CDH11: variants seen among roughly 807,000 people sequenced by gnomAD.
CDH11 encodes cadherin-11.
In CDH11, 11 loss-of-function variants were observed where a neutral mutation model predicts 67.8. The observed-to-expected ratio is 0.16, with a 90% confidence interval of 0.10 to 0.27. The LOEUF (loss-of-function observed/expected upper bound fraction) is 0.27, where lower values mean the gene tolerates loss of function less well. CDH11 is among the 10% of genes least tolerant of loss of function. CDH11 has a pLI of 1.00. For missense variants in CDH11, 847 were observed against 1,031.2 expected (o/e 0.82, Z 2.45); for synonymous variants, 419 against 400.0 (o/e 1.05, Z -0.57).
At chr16:65,076,548 C>CT (rs1273838822) in intron 1 of CDH11, among the ~76,000 whole-genome samples, 3 of 151,996 alleles carry the variant, frequency 2.0e-5, no homozygotes, top group South Asian at 2.1e-4. Flanking sequence ...TTTTTCAATA[C>CT]TTTAAGTCCT....
rs186954934 is a variant in CDH11, at chr16:65,015,528, A to C, written c.-172-10487T>G. On this transcript the variant is annotated intron_variant, in intron 2 of 12. Coordinates refer to ENST00000268603, the MANE Select transcript of CDH11 (RefSeq NM_001797.4). ...GGCAGGGGAAGCATCAAGAGGAAAAAGATAATTTTTGTAGCATCTACCTTG... is the reference window on the plus strand; with the variant it reads ...GGCAGGGGAAGCATCAAGAGGAAAACGATAATTTTTGTAGCATCTACCTTG... Among the ~76,000 whole-genome samples, 506 of 152,216 alleles carry C rather than the reference A, an allele frequency of 3.3e-3. 2 individuals are homozygous for C. The highest frequency in any genetic ancestry group is 0.012 in the African/African-American group (491 of 41,542).
In CDH11 at chr16:64,946,323, T is replaced by C; in HGVS notation, c.*1280A>G. The C allele has an allele frequency of 9.6e-7, 1 of 1,043,362 alleles. No individual in the cohort carries two copies. The highest frequency in any genetic ancestry group is 1.2e-6 in the Non-Finnish European group (1 of 865,616). 64.6% of individuals were successfully genotyped at this position (1,043,362 alleles called of 1,614,324 possible). A position where few individuals can be genotyped will look rare whatever the true frequency, so the allele number is the denominator to read the frequency against. On this transcript the variant is annotated 3_prime_UTR_variant, in exon 13 of 13. Transcript: ENST00000268603. Reference sequence around the variant, plus strand: ...ACATTAGAGTCTGGGCAAATTTATATTTTTGACTCTAGTCCCCCAGTTCCC... The same window carrying C: ...ACATTAGAGTCTGGGCAAATTTATACTTTTGACTCTAGTCCCCCAGTTCCC...
At chr16:64,996,663 T>C (rs746876849) in intron 4 of CDH11, among the ~76,000 whole-genome samples, 1 of 152,066 alleles carries the variant, frequency 6.6e-6, no homozygotes, top group Non-Finnish European at 1.5e-5. Context: ...CAACAGTGGA[T>C]TGGATAAAGA....
intron 1 of CDH11, among the ~76,000 whole-genome samples, chr16:65,092,331 T>C (rs1183172252): frequency 6.6e-6 from 1 of 152,190 alleles, no homozygotes; most frequent in African/African-American, 2.4e-5. Flanking sequence ...AATTCTGGAC[T>C]CCCAGGCCAA....
intron 11 of CDH11, among the ~76,000 whole-genome samples, chr16:64,961,247 C>A (rs257498): frequency 0.26 from 39,544 of 151,986 alleles, 5,982 homozygotes; most frequent in Middle Eastern, 0.36. Context: ...GAAGAGGCTT[C>A]ATGGTTTACA....
At chr16:65,031,664 G>A (rs1052170793) in intron 2 of CDH11, among the ~76,000 whole-genome samples, 1 of 152,180 alleles carries the variant, frequency 6.6e-6, no homozygotes, top group Admixed American at 6.5e-5. Flanking sequence ...GCTCAAGAAA[G>A]AGGAAAGGGG....
intron 1 of CDH11, among the ~76,000 whole-genome samples, chr16:65,105,179 G>A (rs1251415317): frequency 1.3e-5 from 2 of 152,092 alleles, no homozygotes; most frequent in Admixed American, 1.3e-4. Context: ...TCTATATGAA[G>A]GCTGGGTTTT....
chr16:65,011,476 T>C (rs796241450), intron 2 of CDH11, among the ~76,000 whole-genome samples: 5 of 152,278 alleles, frequency 3.3e-5, no homozygotes, highest in African/African-American at 1.2e-4. Flanking sequence ...GGCCACAAAA[T>C]ATTACAGGAA....
chr16:64,992,991 G>A lies in CDH11; in HGVS notation c.567C>T (p.Pro189=). The stretch of plus-strand genomic sequence containing the variant: ...CTAACTTGGCGCTATTTCCATAAGT[G>A]GGGTCATCTGCATCTGAAGCTGTCA... The part of the protein sequence containing the change: ...IQVTASDADD[P]TYGNSAKLVY... The change falls in exon 5 of 13, where the codon CCC becomes CCT. Residue 189 remains proline (P), a synonymous_variant. Transcript: ENST00000268603. 6.2e-7 allele frequency: 1 copy of A among 1,610,906 alleles called. No homozygotes were observed. The highest frequency in any genetic ancestry group is 1.7e-5 in the Admixed American group (1 of 60,006).
chr16:65,090,711 T>C (rs1401743299), intron 1 of CDH11, among the ~76,000 whole-genome samples: 2 of 152,168 alleles, frequency 1.3e-5, no homozygotes, highest in African/African-American at 4.8e-5. Context: ...TAGTGAAAAA[T>C]GTAGATAGTA....
At chr16:65,082,293 A>G (rs2074623872) in intron 1 of CDH11, among the ~76,000 whole-genome samples, 1 of 152,210 alleles carries the variant, frequency 6.6e-6, no homozygotes, top group Admixed American at 6.5e-5. Context: ...GACAGATGAA[A>G]AGGCTGGGAT....
At chr16:65,008,088 T>G (rs2142538579) in intron 2 of CDH11, among the ~76,000 whole-genome samples, 1 of 152,378 alleles carries the variant, frequency 6.6e-6, no homozygotes, top group South Asian at 2.1e-4. Context: ...AAGAAAGGGT[T>G]TAATTAAAGT....
chr16:65,007,709 C>T (rs1271101034), intron 2 of CDH11, among the ~76,000 whole-genome samples: 1 of 152,170 alleles, frequency 6.6e-6, no homozygotes, highest in Admixed American at 6.5e-5. Flanking sequence ...AAATTTTCTT[C>T]AAGTGGCTTC....
At chr16:65,060,839 C>T (rs2074227496) in intron 1 of CDH11, among the ~76,000 whole-genome samples, 2 of 152,102 alleles carry the variant, frequency 1.3e-5, no homozygotes. Flanking sequence ...TAAATGGTTT[C>T]CCGTCAGGTC....
intron 9 of CDH11, 53 bp downstream of exon 9, chr16:64,972,851 T>C: frequency 3.8e-6 from 6 of 1,588,842 alleles, no homozygotes; most frequent in Non-Finnish European, 4.3e-6. Context: ...ATATAGAGTC[T>C]GAAGCGATAA....
upstream of CDH11, among the ~76,000 whole-genome samples, chr16:65,122,996 A>G (rs563129111): frequency 1.3e-5 from 2 of 152,280 alleles, no homozygotes; most frequent in East Asian, 3.9e-4. Context: ...GCAGCGCCGG[A>G]GTCCTAGCTC....
intron 1 of CDH11, among the ~76,000 whole-genome samples, chr16:65,099,469 A>G (rs1332882896): frequency 2.6e-5 from 4 of 152,146 alleles, no homozygotes; most frequent in Non-Finnish European, 5.9e-5. Context: ...CTGTAACTCA[A>G]GGAAGGTAGT....
chr16:65,046,515 C>T (rs748915589), intron 2 of CDH11, among the ~76,000 whole-genome samples: 4 of 152,162 alleles, frequency 2.6e-5, no homozygotes, highest in African/African-American at 9.7e-5. Context: ...TTATTGATTT[C>T]GAGAACATCT....
intron 2 of CDH11, among the ~76,000 whole-genome samples, chr16:65,021,957 C>T (rs1253443324): frequency 2.7e-5 from 4 of 149,924 alleles, no homozygotes; most frequent in Admixed American, 2.7e-4. Context: ...AAGTAAATGG[C>T]AAAAGTCCCA....
Sources: gnomAD v4.1 joint callset for allele counts (sites outside exome capture counted in the v4.1 genomes callset) on GRCh38, gnomAD v4.1.1 for gene constraint, MANE v1.5 for transcripts, NCBI Gene and HGNC (gene_info 2026-07-23, HGNC 2026-07-21) for gene names.